SLC9A9: variants seen among roughly 807,000 people sequenced by gnomAD.
SLC9A9 encodes the protein solute carrier family 9 member A9.
Under a neutral mutation model 77.8 loss-of-function variants are expected in SLC9A9, and 62 were observed. The ratio of observed to expected loss-of-function variants is 0.80; its 90% CI spans 0.65 to 0.98. SLC9A9 has a LOEUF of 0.98. Among genes scored for constraint, SLC9A9 ranks in the 50% least tolerant of loss-of-function variants. The pLI is 0.00. For missense variants in SLC9A9, 775 were observed against 774.9 expected, an observed-to-expected ratio of 1.00 and a Z score of 0.00; for synonymous variants, 320 against 283.5, an observed-to-expected ratio of 1.13 and a Z score of -1.29.
chr3:143,466,433 A>G (rs1336167141), intron 12 of SLC9A9, among the ~76,000 whole-genome samples: 3 of 152,178 alleles, frequency 2.0e-5, no homozygotes, highest in Non-Finnish European at 4.4e-5. Context: ...TGCTCCTCCC[A>G]TACTTCAGGT....
intron 13 of SLC9A9, among the ~76,000 whole-genome samples, chr3:143,374,494 T>C (rs950257216): frequency 2.2e-4 from 32 of 148,258 alleles, no homozygotes; most frequent in African/African-American, 3.7e-4. Context: ...TTTCAAAGCA[T>C]TGACTTTCAA....
chr3:143,560,722 T>G (rs1023653085), intron 8 of SLC9A9, among the ~76,000 whole-genome samples: 1 of 96,968 alleles, frequency 1.0e-5, no homozygotes, highest in African/African-American at 5.4e-5. Flanking sequence ...AATAAAACTT[T>G]TTCCTTCAAA....
At chr3:143,335,287 T>G (rs1030346512) in intron 14 of SLC9A9, among the ~76,000 whole-genome samples, 6 of 152,194 alleles carry the variant, frequency 3.9e-5, no homozygotes, top group South Asian at 2.1e-4. Context: ...ATTAAAGAAA[T>G]AAATAGACAT....
At chr3:143,539,349 A>C (rs2036646886) in intron 9 of SLC9A9, among the ~76,000 whole-genome samples, 1 of 152,198 alleles carries the variant, frequency 6.6e-6, no homozygotes, top group African/African-American at 2.4e-5. Context: ...GAAGCAATTC[A>C]ATTTCTTTTC....
At chr3:143,806,524 A>C (rs1031233148) in intron 2 of SLC9A9, among the ~76,000 whole-genome samples, 4 of 152,196 alleles carry the variant, frequency 2.6e-5, no homozygotes, top group Non-Finnish European at 5.9e-5. Flanking sequence ...GGAAAAAAAA[A>C]CTTACTTTTG....
At chr3:143,701,801 A>G (rs533549593) in intron 4 of SLC9A9, among the ~76,000 whole-genome samples, 1 of 152,334 alleles carries the variant, frequency 6.6e-6, no homozygotes, top group Admixed American at 6.5e-5. Context: ...TCAATATCCA[A>G]GTACAAGAAT....
intron 14 of SLC9A9, chr3:143,313,058 C>T (rs2031079942): frequency 6.6e-6 from 1 of 152,166 alleles, no homozygotes; most frequent in Admixed American, 6.5e-5. Flanking sequence ...AAAAAAAACT[C>T]AACAAAAGTA....
chr3:143,791,223 TA>T (rs546007738), intron 4 of SLC9A9, among the ~76,000 whole-genome samples: 8 of 152,222 alleles, frequency 5.3e-5, no homozygotes, highest in African/African-American at 1.7e-4. Context: ...ATCATTGAAA[TA>T]AAAAAAGGTT....
intron 12 of SLC9A9, among the ~76,000 whole-genome samples, chr3:143,456,313 A>G (rs1468262107): frequency 1.3e-5 from 2 of 152,156 alleles, no homozygotes; most frequent in Admixed American, 6.5e-5. Flanking sequence ...TATTCTGTGC[A>G]AGATTTTTGC....
In SLC9A9 at chr3:143,737,627, T is replaced by A. The variant is rs111460319; in HGVS notation, c.534-44320A>T. On this transcript the variant is annotated intron_variant, in intron 4 of 15. Transcript: ENST00000316549. ...TTGTATAGAAAACATATTTTCCTTA[T>A]TAGCTTATTAGTTAATATTACAGTT... Among the ~76,000 whole-genome samples the A allele has an allele frequency of 3.3e-5, 5 of 152,356 alleles. 1 individual carries two copies. Among genetic ancestry groups the A allele is most frequent in the African/African-American group, 1.2e-4 (5 of 41,584 alleles).
chr3:143,578,461 G>A (rs1269548901), intron 7 of SLC9A9, 124 bp downstream of exon 7: 24 of 1,413,512 alleles, frequency 1.7e-5, no homozygotes, highest in Admixed American at 5.5e-5. Context: ...CAGTGGTGCC[G>A]TATGAAACTT....
intron 2 of SLC9A9, among the ~76,000 whole-genome samples, chr3:143,808,647 T>C (rs929771342): frequency 6.6e-6 from 1 of 152,180 alleles, no homozygotes; most frequent in Admixed American, 6.5e-5. Flanking sequence ...TATAAACTAT[T>C]TGGAGTAGTG....
At chr3:143,568,649 T>C (rs1293978041) in intron 8 of SLC9A9, among the ~76,000 whole-genome samples, 2 of 152,204 alleles carry the variant, frequency 1.3e-5, no homozygotes, top group African/African-American at 4.8e-5. Flanking sequence ...TGATCTGTTA[T>C]TCAGGTTTTG....
At chr3:143,312,303 T>A (rs1281877467) in intron 14 of SLC9A9, among the ~76,000 whole-genome samples, 1 of 152,232 alleles carries the variant, frequency 6.6e-6, no homozygotes, top group Non-Finnish European at 1.5e-5. Flanking sequence ...TGGTTGACCC[T>A]CAATTGCAAT....
chr3:143,708,192 C>G (rs1444890040), intron 4 of SLC9A9, among the ~76,000 whole-genome samples: 2 of 152,156 alleles, frequency 1.3e-5, no homozygotes, highest in African/African-American at 2.4e-5. Context: ...ACTCGGCATC[C>G]TGATTGTGTG....
intron 14 of SLC9A9, among the ~76,000 whole-genome samples, chr3:143,313,811 C>G (rs542391448): frequency 1.3e-5 from 2 of 152,182 alleles, no homozygotes; most frequent in Non-Finnish European, 2.9e-5. Flanking sequence ...GTTGGGGTGA[C>G]GGCTTTGCAA....
rs553511551 is a variant in SLC9A9, at chr3:143,665,509, C to T, written c.650-13149G>A. Among the ~76,000 whole-genome samples, 8 of 152,004 alleles carry T rather than the reference C, an allele frequency of 5.3e-5. No homozygotes were observed. In the East Asian group the frequency reaches 1.2e-3, roughly 22 times the overall value. On this transcript the variant is annotated intron_variant, in intron 5 of 15. Transcript: ENST00000316549. ...AGCAGAACTGAAGGAGATAGAGACA[C>T]AAAAAACCCTTCAAAAAATCAATGA...
chr3:143,780,294 T>C (rs2007829676), intron 4 of SLC9A9, among the ~76,000 whole-genome samples: 1 of 152,096 alleles, frequency 6.6e-6, no homozygotes, highest in South Asian at 2.1e-4. Flanking sequence ...ATAGCCCAAT[T>C]AGTAAAAGGT....
chr3:143,652,954 C>G (rs1016212587), intron 5 of SLC9A9, among the ~76,000 whole-genome samples: 1 of 152,180 alleles, frequency 6.6e-6, no homozygotes, highest in African/African-American at 2.4e-5. Context: ...GAACTTACCA[C>G]AGAAAGGACT....
Sources: allele counts gnomAD v4.1 joint callset (sites outside exome capture counted in the v4.1 genomes callset), GRCh38; gene constraint gnomAD v4.1.1; transcripts MANE v1.5; gene names NCBI Gene and HGNC (gene_info 2026-07-23, HGNC 2026-07-21).